The following CAMKMT variants were observed in gnomAD, a reference collection of about 807,000 sequenced individuals.
CAMKMT encodes the protein calmodulin-lysine N-methyltransferase.
CAMKMT carries 53 observed loss-of-function variants against 48.0 expected under a neutral mutation model. The observed-to-expected ratio is 1.10, with a 90% confidence interval of 0.89 to 1.39. The LOEUF (loss-of-function observed/expected upper bound fraction) is 1.39. Ranked by LOEUF, CAMKMT falls within the 40% of genes most tolerant of loss-of-function variation. The pLI, the probability that CAMKMT is intolerant of heterozygous loss-of-function variation, is 0.00. For missense variants in CAMKMT, 428 were observed against 402.7 expected, an observed-to-expected ratio of 1.06 and a Z score of -0.54; for synonymous variants, 165 against 152.3, an observed-to-expected ratio of 1.08 and a Z score of -0.61.
chr2:44,659,883 C>A (rs931165730), intron 3 of CAMKMT, among the ~76,000 whole-genome samples: 3 of 152,098 alleles, frequency 2.0e-5, no homozygotes, highest in Non-Finnish European at 4.4e-5. Context: ...TGTCTCTCAT[C>A]ATATTATTAT....
chr2:44,674,236 G>T (rs987065335), intron 3 of CAMKMT, among the ~76,000 whole-genome samples: 5 of 152,128 alleles, frequency 3.3e-5, no homozygotes. Context: ...AGAAGGAAAG[G>T]TTGATAATCC....
chr2:44,745,866 A>G (rs1407373422), intron 8 of CAMKMT, among the ~76,000 whole-genome samples: 1 of 152,230 alleles, frequency 6.6e-6, no homozygotes, highest in Non-Finnish European at 1.5e-5. Flanking sequence ...TGCATGTAGC[A>G]GTGAAGCACA....
intron 7 of CAMKMT, among the ~76,000 whole-genome samples, chr2:44,732,610 T>C (rs375569327): frequency 4.6e-5 from 7 of 152,250 alleles, no homozygotes; most frequent in East Asian, 3.8e-4. Flanking sequence ...GCTGGGACTA[T>C]AGGCACATGT....
rs143519570 is a variant in CAMKMT, at chr2:44,515,809, A to G, written c.376+125504A>G. Among the ~76,000 whole-genome samples the G allele has an allele frequency of 1.6e-3, 245 of 152,320 alleles. 2 individuals are homozygous for G. Among genetic ancestry groups the G allele is most frequent in the Admixed American group, 2.5e-3 (39 of 15,300 alleles). ...CTTTGTCCAACTCCTCTGAGAAAGC[A>G]GAAAGTAAAGATGCCAGCTTTAGTC... On this transcript the variant is annotated intron_variant, in intron 3 of 10. Coordinates refer to ENST00000378494, the MANE Select transcript of CAMKMT (RefSeq NM_024766.5).
chr2:44,516,370 G>A (rs1017082375), intron 3 of CAMKMT, among the ~76,000 whole-genome samples: 1 of 152,120 alleles, frequency 6.6e-6, no homozygotes, highest in Non-Finnish European at 1.5e-5. Flanking sequence ...TTTGATCTGG[G>A]CTTGAGTCTT....
At chr2:44,467,143 A>C (rs1196639124) in intron 3 of CAMKMT, among the ~76,000 whole-genome samples, 1 of 151,486 alleles carries the variant, frequency 6.6e-6, no homozygotes, top group African/African-American at 2.4e-5. Context: ...AGTCTCAGCT[A>C]CTCAGGAGGC....
chr2:44,472,822 A>C (rs886513214), intron 3 of CAMKMT, among the ~76,000 whole-genome samples: 2 of 152,262 alleles, frequency 1.3e-5, no homozygotes, highest in Admixed American at 1.3e-4. Context: ...TTCAAATCAA[A>C]TAATGAAATA....
Position 44,585,190 on chromosome 2 carries a change from G to T in CAMKMT, c.377-119093G>T, listed in dbSNP as rs567495953. Among the ~76,000 whole-genome samples the T allele has an allele frequency of 1.7e-4, 26 of 152,304 alleles. No individual in the cohort carries two copies. In the South Asian group the frequency reaches 5.4e-3, roughly 32 times the overall value. ...TGATACCTTTAAAGATTCTGCACTAGATGAAATCATTGAACAATCAATTAG... is the reference window on the plus strand; with the variant it reads ...TGATACCTTTAAAGATTCTGCACTATATGAAATCATTGAACAATCAATTAG... On this transcript the variant is annotated intron_variant, in intron 3 of 10. Transcript: ENST00000378494.
At chr2:44,692,353 T>C (rs1676704285) in intron 3 of CAMKMT, among the ~76,000 whole-genome samples, 1 of 152,136 alleles carries the variant, frequency 6.6e-6, no homozygotes, top group African/African-American at 2.4e-5. Flanking sequence ...GAAGGTACTT[T>C]TATTGCTTGT....
intron 3 of CAMKMT, among the ~76,000 whole-genome samples, chr2:44,520,684 C>T (rs72879383): frequency 0.011 from 1,667 of 152,286 alleles, 21 homozygotes; most frequent in African/African-American, 0.034. Context: ...CCTAATCTCT[C>T]TGATGTGGTT....
intron 2 of CAMKMT, 59 bp downstream of exon 2, chr2:44,372,947 C>CA: frequency 7.2e-7 from 1 of 1,394,476 alleles, no homozygotes; most frequent in Non-Finnish European, 9.9e-7. Context: ...ATAAGAAAAA[C>CA]AATCTAATAA....
At chr2:44,765,789 C>G (rs879678441) in intron 9 of CAMKMT, among the ~76,000 whole-genome samples, 1 of 152,110 alleles carries the variant, frequency 6.6e-6, no homozygotes, top group Admixed American at 6.5e-5. Flanking sequence ...CATGTGAATA[C>G]TATGAGGAAC....
intron 3 of CAMKMT, among the ~76,000 whole-genome samples, chr2:44,452,196 G>T (rs980411226): frequency 2.6e-5 from 4 of 151,924 alleles, no homozygotes; most frequent in African/African-American, 9.7e-5. Flanking sequence ...ATGATGAAAT[G>T]AAGTGTTTAG....
At chr2:44,411,119 T>C (rs1683173137) in intron 3 of CAMKMT, among the ~76,000 whole-genome samples, 2 of 152,202 alleles carry the variant, frequency 1.3e-5, no homozygotes, top group African/African-American at 4.8e-5. Context: ...TTTGATTTAG[T>C]TTTTTAAAAT....
At chr2:44,516,477 T>C (rs1003890994) in intron 3 of CAMKMT, among the ~76,000 whole-genome samples, 4 of 152,106 alleles carry the variant, frequency 2.6e-5, no homozygotes, top group South Asian at 2.1e-4. Context: ...TTCTTTTTTT[T>C]CCCAAATGTT....
intron 2 of CAMKMT, among the ~76,000 whole-genome samples, chr2:44,374,047 C>T (rs539072664): frequency 1.7e-4 from 25 of 145,438 alleles, no homozygotes; most frequent in African/African-American, 6.0e-4. Flanking sequence ...TTGATTGAGC[C>T]CGGGAGGTTG....
At chr2:44,406,787 C>T (rs151097065) in intron 3 of CAMKMT, among the ~76,000 whole-genome samples, 178 of 152,160 alleles carry the variant, frequency 1.2e-3, no homozygotes, top group Non-Finnish European at 2.0e-3. Context: ...TTTGTAGGAA[C>T]GAGGTTTCTC....
At chr2:44,425,336 A>G (rs995012412) in intron 3 of CAMKMT, among the ~76,000 whole-genome samples, 2 of 152,198 alleles carry the variant, frequency 1.3e-5, no homozygotes, top group Non-Finnish European at 2.9e-5. Flanking sequence ...CCATTATTAT[A>G]ACAACCATTT....
In CAMKMT at chr2:44,766,485, A is replaced by T. The variant is rs753092706; in HGVS notation, c.818A>T (p.Asn273Ile). The change falls in exon 10 of 11, where the codon AAT becomes ATT. Residue 273 changes from asparagine (N) to isoleucine (I), a missense_variant. Physicochemically the swap from Asn to Ile is moderately radical, Grantham distance 149. Coordinates refer to ENST00000378494, the MANE Select transcript of CAMKMT (RefSeq NM_024766.5). ...RRGNTLNQFC[N>I]LAEKAGFCIQ... ...GGGAATACTTTAAACCAGTTTTGCAATCTAGCTGAAAAAGCTGGTTTCTGT... is the reference window on the plus strand; with the variant it reads ...GGGAATACTTTAAACCAGTTTTGCATTCTAGCTGAAAAAGCTGGTTTCTGT... 6.2e-7 allele frequency: 1 copy of T among 1,614,190 alleles called. No individual in the cohort carries two copies. The highest frequency in any genetic ancestry group is 8.5e-7 in the Non-Finnish European group (1 of 1,180,016).
Sources: allele counts gnomAD v4.1 joint callset (sites outside exome capture counted in the v4.1 genomes callset), GRCh38; gene constraint gnomAD v4.1.1; transcripts MANE v1.5; gene names NCBI Gene and HGNC (gene_info 2026-07-23, HGNC 2026-07-21).